Variants in PCCA observed in about 807,000 individuals in gnomAD.
PCCA encodes propionyl-CoA carboxylase subunit alpha, also known as propionyl-CoA carboxylase alpha chain, mitochondrial.
In PCCA, 74 loss-of-function variants were observed where a neutral mutation model predicts 101.3. The observed-to-expected ratio is 0.73, with a 90% CI of 0.61 to 0.89. PCCA has a LOEUF of 0.89. Ranked by LOEUF, PCCA falls within the 40% of genes least tolerant of loss-of-function variation. The probability of loss-of-function intolerance (pLI) is 0.00; values close to 1 mark genes in which losing one functional copy is unlikely to be tolerated. For missense variants in PCCA, 891 were observed against 907.0 expected (o/e 0.98, Z 0.23); for synonymous variants, 294 against 313.6 (o/e 0.94, Z 0.66).
chr13:100,292,861 A>G (rs2065234443), intron 12 of PCCA, among the ~76,000 whole-genome samples: 1 of 152,096 alleles, frequency 6.6e-6, no homozygotes, highest in Non-Finnish European at 1.5e-5. Context: ...CTGATAGAGA[A>G]AAGTATTTAC....
At chr13:100,484,168 C>T (rs2084177164) in intron 21 of PCCA, among the ~76,000 whole-genome samples, 1 of 152,064 alleles carries the variant, frequency 6.6e-6, no homozygotes, top group Admixed American at 6.6e-5. Flanking sequence ...TGTTCTCCGG[C>T]TCAGTATGAC....
chr13:100,158,983 T>C (rs780274037), intron 6 of PCCA, among the ~76,000 whole-genome samples: 4 of 139,956 alleles, frequency 2.9e-5, no homozygotes, highest in Non-Finnish European at 5.9e-5. Flanking sequence ...GCCAGTATTA[T>C]ACATTTATTC....
intron 21 of PCCA, among the ~76,000 whole-genome samples, chr13:100,510,828 T>C (rs2086424864): frequency 6.6e-6 from 1 of 152,224 alleles, no homozygotes; most frequent in African/African-American, 2.4e-5. Flanking sequence ...GTCACAGCAT[T>C]ATGCTAACAG....
chr13:100,118,139 A>C (rs2049007775), intron 4 of PCCA, among the ~76,000 whole-genome samples: 1 of 148,964 alleles, frequency 6.7e-6, no homozygotes, highest in African/African-American at 2.5e-5. Flanking sequence ...AAAAAAAAAA[A>C]AGAAAATAAG....
intron 2 of PCCA, among the ~76,000 whole-genome samples, chr13:100,111,269 G>A (rs2048295528): frequency 7.0e-6 from 1 of 143,590 alleles, no homozygotes; most frequent in Admixed American, 7.5e-5. Context: ...CTGACCTCGT[G>A]ATCCACCCAC....
chr13:100,264,027 TCG>T (rs2062737387), intron 10 of PCCA, among the ~76,000 whole-genome samples: 2 of 149,486 alleles, frequency 1.3e-5, no homozygotes, highest in Non-Finnish European at 3.0e-5. Flanking sequence ...TATCTGTATA[TCG>T]TATATATACG....
At chr13:100,331,449 C>CA (rs1485048607) in intron 17 of PCCA, among the ~76,000 whole-genome samples, 1 of 152,104 alleles carries the variant, frequency 6.6e-6, no homozygotes, top group African/African-American at 2.4e-5. Flanking sequence ...TAAAATGACT[C>CA]ACATTCATAT....
chr13:100,385,979 C>T (rs1412217574), intron 19 of PCCA, among the ~76,000 whole-genome samples: 1 of 152,188 alleles, frequency 6.6e-6, no homozygotes, highest in Non-Finnish European at 1.5e-5. Flanking sequence ...ATAACAACCT[C>T]CATGGAGAGC....
At chr13:100,220,234 T>C (rs2059741585) in intron 7 of PCCA, among the ~76,000 whole-genome samples, 1 of 152,032 alleles carries the variant, frequency 6.6e-6, no homozygotes, top group Admixed American at 6.6e-5. Context: ...CAAAAGACCG[T>C]GTCCAATATT....
chr13:100,333,087 A>G (rs1428075356), intron 17 of PCCA, among the ~76,000 whole-genome samples: 1 of 152,054 alleles, frequency 6.6e-6, no homozygotes, highest in Non-Finnish European at 1.5e-5. Flanking sequence ...ACACTCCTAT[A>G]TTTGCCATTC....
intron 18 of PCCA, among the ~76,000 whole-genome samples, chr13:100,364,380 A>T (rs527894073): frequency 1.6e-4 from 24 of 152,336 alleles, no homozygotes; most frequent in African/African-American, 4.6e-4. Flanking sequence ...TACTATCATA[A>T]ATCTGTCTGT....
At chr13:100,302,772 G>T in intron 13 of PCCA, 152 bp from the exon 14 acceptor site, 3 of 675,094 alleles carry the variant, frequency 4.4e-6, no homozygotes. Flanking sequence ...GTTGTCTAGC[G>T]TAAAAGACAA....
chr13:100,374,128 A>G (rs148496069), intron 19 of PCCA, among the ~76,000 whole-genome samples: 1,646 of 152,196 alleles, frequency 0.011, 9 homozygotes, highest in South Asian at 0.036. Flanking sequence ...AAATAAATAA[A>G]TAAATAAAAT....
At chr13:100,333,253 A>G (rs1285013057) in intron 17 of PCCA, among the ~76,000 whole-genome samples, 1 of 152,164 alleles carries the variant, frequency 6.6e-6, no homozygotes, top group African/African-American at 2.4e-5. Context: ...TGTTTGATAT[A>G]TGTGCCCAAG....
chr13:100,232,250 C>G (rs1036876091), intron 7 of PCCA, among the ~76,000 whole-genome samples: 5 of 151,994 alleles, frequency 3.3e-5, no homozygotes, highest in African/African-American at 1.2e-4. Context: ...ATTGCTTCCT[C>G]ATCTAGGATT....
At chr13:100,120,330 C>T (rs889575618) in intron 4 of PCCA, among the ~76,000 whole-genome samples, 1 of 152,032 alleles carries the variant, frequency 6.6e-6, no homozygotes, top group Non-Finnish European at 1.5e-5. Context: ...ATGCACATGC[C>T]GTTGTGCCCT....
At chr13:100,407,382 G>A (rs1034094887) in intron 19 of PCCA, among the ~76,000 whole-genome samples, 48 of 152,166 alleles carry the variant, frequency 3.2e-4, no homozygotes, top group African/African-American at 7.2e-5. Flanking sequence ...GCCGTTAAAC[G>A]TTCAAGGTTT....
At chr13:100,526,194 CCT>C (rs1243555797) in intron 22 of PCCA, among the ~76,000 whole-genome samples, 2 of 152,224 alleles carry the variant, frequency 1.3e-5, no homozygotes, top group Non-Finnish European at 2.9e-5. Context: ...TTCTGACACC[CCT>C]GATGGGGGCC....
intron 19 of PCCA, among the ~76,000 whole-genome samples, chr13:100,419,772 A>G (rs1223428614): frequency 1.3e-5 from 2 of 152,234 alleles, no homozygotes; most frequent in Non-Finnish European, 1.5e-5. Flanking sequence ...AGGAAAGAGC[A>G]TGGCTGGTTA....
Sources: allele counts gnomAD v4.1 joint callset (sites outside exome capture counted in the v4.1 genomes callset), GRCh38; gene constraint gnomAD v4.1.1; transcripts MANE v1.5; gene names NCBI Gene and HGNC (gene_info 2026-07-23, HGNC 2026-07-21).